DPP10: variants seen among roughly 807,000 people sequenced by gnomAD.
DPP10 encodes the protein dipeptidyl peptidase like 10, also known as inactive dipeptidyl peptidase 10.
Under a neutral mutation model 120.9 loss-of-function variants are expected in DPP10, and 33 were observed. The observed-to-expected ratio is 0.27, with a 90% CI of 0.21 to 0.37. The LOEUF (loss-of-function observed/expected upper bound fraction) is 0.37, where lower values mean the gene tolerates loss of function less well. DPP10 is among the 10% of genes least tolerant of loss of function. The probability of loss-of-function intolerance (pLI) is 1.00; values close to 1 mark genes in which losing one functional copy is unlikely to be tolerated. For missense variants in DPP10, 816 were observed against 942.8 expected, an observed-to-expected ratio of 0.87 and a Z score of 1.76; for synonymous variants, 337 against 326.1, an observed-to-expected ratio of 1.03 and a Z score of -0.36.
At chr2:115,826,861 A>G (rs1379926921) in intron 21 of DPP10, among the ~76,000 whole-genome samples, 2 of 152,054 alleles carry the variant, frequency 1.3e-5, no homozygotes, top group African/African-American at 2.4e-5. Context: ...TTACGTATTT[A>G]TATTTAAAGT....
intron 1 of DPP10, among the ~76,000 whole-genome samples, chr2:114,543,320 C>T (rs1488409747): frequency 6.6e-6 from 1 of 152,178 alleles, no homozygotes; most frequent in Non-Finnish European, 1.5e-5. Context: ...TCACCTAAAG[C>T]CTTTGCCAAG....
intron 1 of DPP10, among the ~76,000 whole-genome samples, chr2:114,873,177 G>A (rs571632737): frequency 6.6e-6 from 1 of 152,290 alleles, no homozygotes; most frequent in African/African-American, 2.4e-5. Flanking sequence ...TATTGGTGAA[G>A]AGTTGATCCT....
At chr2:115,049,191 TA>T (rs1705286045) in intron 1 of DPP10, among the ~76,000 whole-genome samples, 1 of 152,098 alleles carries the variant, frequency 6.6e-6, no homozygotes, top group South Asian at 2.1e-4. Flanking sequence ...ATTCATTTAA[TA>T]ACTCATTAAT....
At chr2:114,978,544 G>C (rs1558947334) in intron 1 of DPP10, among the ~76,000 whole-genome samples, 2 of 152,088 alleles carry the variant, frequency 1.3e-5, no homozygotes, top group Admixed American at 1.3e-4. Context: ...ATAATCTCCA[G>C]TAACAGACAA....
intron 5 of DPP10, among the ~76,000 whole-genome samples, chr2:115,627,799 G>T (rs941739222): frequency 6.6e-6 from 1 of 152,052 alleles, no homozygotes; most frequent in African/African-American, 2.4e-5. Flanking sequence ...CTGTTCCTGT[G>T]TTAGTTTGCT....
intron 1 of DPP10, among the ~76,000 whole-genome samples, chr2:114,475,501 C>G (rs1040716541): frequency 1.3e-5 from 2 of 152,112 alleles, no homozygotes; most frequent in African/African-American, 2.4e-5. Context: ...CTCTCTGTCT[C>G]TGTTCTTCTC....
At chr2:115,022,688 A>T (rs1703161970) in intron 1 of DPP10, among the ~76,000 whole-genome samples, 1 of 151,932 alleles carries the variant, frequency 6.6e-6, no homozygotes, top group African/African-American at 2.4e-5. Context: ...AGCCCACATA[A>T]CCAAAGCAGG....
At chr2:115,582,711 CGTAT>C (rs2082068716) in intron 5 of DPP10, among the ~76,000 whole-genome samples, 1 of 152,096 alleles carries the variant, frequency 6.6e-6, no homozygotes, top group African/African-American at 2.4e-5. Context: ...GAGCAACAGC[CGTAT>C]GTAACTTTTA....
intron 19 of DPP10, among the ~76,000 whole-genome samples, chr2:115,807,537 C>T (rs1686137001): frequency 1.3e-5 from 2 of 152,096 alleles, no homozygotes; most frequent in African/African-American, 4.8e-5. Context: ...TCATGATGGT[C>T]ATTATGCAGT....
chr2:114,895,047 GA>G, intron 1 of DPP10, among the ~76,000 whole-genome samples: 1 of 152,206 alleles, frequency 6.6e-6, no homozygotes, highest in Non-Finnish European at 1.5e-5. Context: ...AAAGAGATAT[GA>G]ATAGTTCCTA....
chr2:115,689,626 A>G, intron 5 of DPP10, 61 bp from the exon 6 acceptor site: 2 of 1,073,136 alleles, frequency 1.9e-6, no homozygotes, highest in East Asian at 2.6e-5. Context: ...CTAAGAATAT[A>G]TATACATATA....
At chr2:115,485,278 A>G (rs1174521505) in intron 3 of DPP10, among the ~76,000 whole-genome samples, 1 of 150,938 alleles carries the variant, frequency 6.6e-6, no homozygotes, top group African/African-American at 2.4e-5. Flanking sequence ...CTTAAAGCCT[A>G]CATATGCTTG....
chr2:114,930,201 G>A (rs1288178718), intron 1 of DPP10, among the ~76,000 whole-genome samples: 1 of 152,198 alleles, frequency 6.6e-6, no homozygotes, highest in Non-Finnish European at 1.5e-5. Flanking sequence ...CTCTTAGCAA[G>A]TGGTTTTACT....
intron 5 of DPP10, among the ~76,000 whole-genome samples, chr2:115,645,219 C>T (rs1327360956): frequency 6.6e-6 from 1 of 152,140 alleles, no homozygotes; most frequent in Non-Finnish European, 1.5e-5. Context: ...ATAGGCCAAG[C>T]CCAAGTCCCA....
At chr2:114,570,702 G>T (rs184437995) in intron 1 of DPP10, among the ~76,000 whole-genome samples, 376 of 151,396 alleles carry the variant, frequency 2.5e-3, no homozygotes, top group Non-Finnish European at 4.4e-3. Flanking sequence ...GCGTGGTGGC[G>T]GGCGCCTGTA....
At chr2:114,852,664 G>A (rs1349897932) in intron 1 of DPP10, among the ~76,000 whole-genome samples, 3 of 152,192 alleles carry the variant, frequency 2.0e-5, no homozygotes, top group Middle Eastern at 3.4e-3. Context: ...TATGGATATC[G>A]TGGAACAACT....
At chr2:114,902,796 C>T (rs1463691919) in intron 1 of DPP10, among the ~76,000 whole-genome samples, 2 of 152,106 alleles carry the variant, frequency 1.3e-5, no homozygotes, top group Non-Finnish European at 2.9e-5. Context: ...CTTACATTGA[C>T]ATACCATTAC....
rs886260648 is a variant in DPP10 at position 115,301,536 on chromosome 2, G to A, written c.61-7703G>A. ...TGGCGCAAGCACAAGCAATAATGCC[G>A]TGAAATGTCCTACCTTTTTCACTGT... On this transcript the variant is annotated intron_variant, in intron 1 of 25. Coordinates refer to ENST00000410059, the MANE Select transcript of DPP10 (RefSeq NM_020868.6). 6.7e-5 allele frequency among the ~76,000 whole-genome samples: 10 copies of A among 148,576 alleles called. No individual in the cohort carries two copies. In the South Asian group the frequency reaches 8.4e-4, roughly 12 times the overall value.
At chr2:115,258,434 A>G (rs1458657967) in intron 1 of DPP10, among the ~76,000 whole-genome samples, 3 of 152,044 alleles carry the variant, frequency 2.0e-5, no homozygotes, top group Admixed American at 2.0e-4. Context: ...ACAATAATCC[A>G]GAAACAAAAT....
Sources: allele counts gnomAD v4.1 joint callset (sites outside exome capture counted in the v4.1 genomes callset), GRCh38; gene constraint gnomAD v4.1.1; transcripts MANE v1.5; gene names NCBI Gene and HGNC (gene_info 2026-07-23, HGNC 2026-07-21).